The following CABP7 variants were observed in gnomAD, a reference collection of about 807,000 sequenced individuals.
The protein encoded by CABP7 is calcium binding protein 7, also known as calcium-binding protein 7.
Under a neutral mutation model 23.1 loss-of-function variants are expected in CABP7, and 13 were observed. The observed-to-expected ratio is 0.56, with a 90% CI of 0.37 to 0.90. The LOEUF is 0.90. Among genes scored for constraint, CABP7 ranks in the 40% least tolerant of loss-of-function variants. The probability of loss-of-function intolerance (pLI) is 0.01; values close to 1 mark genes in which losing one functional copy is unlikely to be tolerated. For missense variants in CABP7, 248 were observed against 295.6 expected (o/e 0.84, Z 1.18); for synonymous variants, 123 against 115.3 (o/e 1.07, Z -0.43).
Position 29,727,586 on chromosome 22 carries a change from G to T in CABP7, c.110-76G>T. 6.4e-7 allele frequency: 1 copy of T among 1,574,272 alleles called. No individual in the cohort carries two copies. The highest frequency in any genetic ancestry group is 8.7e-7 in the Non-Finnish European group (1 of 1,149,128). ...AAGGCCATGCTCAGGCTGCAGGGTCGGTGATCCTGGGGGTCTGGAAAGGGG... is the reference window on the plus strand; with the variant it reads ...AAGGCCATGCTCAGGCTGCAGGGTCTGTGATCCTGGGGGTCTGGAAAGGGG... On this transcript the variant is annotated intron_variant, in intron 1 of 4. Transcript: ENST00000216144. The surrounding 1 kb of genome is among the most constrained non-coding windows in gnomAD (Gnocchi z 4.2).
intron 1 of CABP7, among the ~76,000 whole-genome samples, chr22:29,725,179 C>T (rs1199702341): frequency 1.3e-5 from 2 of 152,088 alleles, no homozygotes; most frequent in Admixed American, 6.5e-5. Flanking sequence ...GCTTGAGGCC[C>T]CTCTTCCACG....
At chr22:29,728,093 TA>T (rs1468885386) in intron 2 of CABP7, among the ~76,000 whole-genome samples, 3 of 152,198 alleles carry the variant, frequency 2.0e-5, no homozygotes, top group African/African-American at 4.8e-5. Flanking sequence ...AAGGATGCAA[TA>T]AATACTCCAG....
rs769839029 is a variant in CABP7 at position 29,731,337 on chromosome 22, G to T, written c.*1768G>T. 4.3e-5 allele frequency: 66 copies of T among 1,541,824 alleles called. No homozygotes were observed. Among genetic ancestry groups the T allele is most frequent in the Non-Finnish European group, 5.7e-5 (66 of 1,153,740 alleles). On this transcript the variant is annotated 3_prime_UTR_variant, in exon 5 of 5. Coordinates refer to ENST00000216144, the MANE Select transcript of CABP7 (RefSeq NM_182527.3). Reference sequence around the variant, plus strand: ...GCCCACGGGGTACTGGAAGACAGTGGTTCTGATGGGTTCAGCCCTAGAGAG... The same window carrying T: ...GCCCACGGGGTACTGGAAGACAGTGTTTCTGATGGGTTCAGCCCTAGAGAG...
chr22:29,728,585 G>A (rs2067812478), intron 2 of CABP7, 45 bp from the exon 3 acceptor site: 1 of 1,281,452 alleles, frequency 7.8e-7, no homozygotes, highest in Non-Finnish European at 1.1e-6. Flanking sequence ...TGGGCTGCAG[G>A]CCTGGGCCCT....
chr22:29,728,592 C>T (rs2067812523), intron 2 of CABP7, 38 bp from the exon 3 acceptor site: 2 of 1,341,334 alleles, frequency 1.5e-6, no homozygotes, highest in Non-Finnish European at 2.1e-6. Context: ...CAGGCCTGGG[C>T]CCTACCCACT....
At position 29,721,169 on chromosome 22, in the gene CABP7, G is replaced by C. The variant is rs553879633; in HGVS notation, c.109+636G>C. 3.8e-3 allele frequency among the ~76,000 whole-genome samples: 578 copies of C among 152,242 alleles called. 6 individuals are homozygous for C. Among genetic ancestry groups the C allele is most frequent in the African/African-American group, 0.013 (548 of 41,568 alleles). The stretch of plus-strand genomic sequence containing the variant: ...AGTGGCCGGACTGGGCGGCTAAGTC[G>C]CGATAGCCAAGCCTGGAAGGGAAAG... On this transcript the variant is annotated intron_variant, in intron 1 of 4. Coordinates refer to ENST00000216144, the MANE Select transcript of CABP7 (RefSeq NM_182527.3).
intron 1 of CABP7, among the ~76,000 whole-genome samples, chr22:29,724,666 C>A (rs2067783129): frequency 6.6e-6 from 1 of 152,144 alleles, no homozygotes; most frequent in Admixed American, 6.5e-5. Flanking sequence ...CAGGCAAAGG[C>A]ACCAAGGTGA....
rs111597500 is a variant in CABP7, at chr22:29,727,209, T to TTC, written c.110-452_110-451insCT. 6.6e-6 allele frequency among the ~76,000 whole-genome samples: 1 copy of TTC among 150,408 alleles called. No individual in the cohort carries two copies. Among genetic ancestry groups the TTC allele is most frequent in the Non-Finnish European group, 1.5e-5 (1 of 67,632 alleles). On this transcript the variant is annotated intron_variant, in intron 1 of 4. Transcript: ENST00000216144. This position sits in a 1 kb window ranked among gnomAD's most constrained non-coding sequence, Gnocchi z 4.2. ...TGCCATTAGCAAGTGTTGGCCGGTG[T>TTC]TAAGGATCTAAGGATCCGAGCCTGG...
rs572401222 is a variant in CABP7 at position 29,727,412 on chromosome 22, G to A, written c.110-250G>A. ...CCAGGAGAGGCTGTGAGAGCCTGGC[G>A]CAATCAGATCCCAAGAGGTCACTGC... On this transcript the variant is annotated intron_variant, in intron 1 of 4. Coordinates refer to ENST00000216144, the MANE Select transcript of CABP7 (RefSeq NM_182527.3). The surrounding 1 kb of genome is among the most constrained non-coding windows in gnomAD (Gnocchi z 4.2). Among the ~76,000 whole-genome samples the A allele has an allele frequency of 2.0e-5, 3 of 152,218 alleles. No individual in the cohort carries two copies. Among genetic ancestry groups the A allele is most frequent in the South Asian group, 2.1e-4 (1 of 4,834 alleles).
In CABP7 at chr22:29,728,658, T is replaced by G; in HGVS notation, c.282T>G (p.Phe94Leu). The G allele has an allele frequency of 6.2e-7, 1 of 1,613,642 alleles. No homozygotes were observed. The highest frequency in any genetic ancestry group is 8.5e-7 in the Non-Finnish European group (1 of 1,179,826). The part of the protein sequence containing the change: ...DGDGQVDFEE[F>L]VTLLGPKLST... ...ATGGTCAAGTGGACTTTGAGGAGTT[T>G]GTGACCCTTCTGGGACCCAAACTCT... The change falls in exon 3 of 5, where the codon TTT (phenylalanine) becomes TTG (leucine). Residue 94 changes from phenylalanine (F) to leucine (L), a missense_variant. Transcript: ENST00000216144.
intron 1 of CABP7, among the ~76,000 whole-genome samples, chr22:29,723,873 G>A (rs2067778340): frequency 6.6e-6 from 1 of 152,238 alleles, no homozygotes; most frequent in African/African-American, 2.4e-5. Context: ...CTGCCTGATG[G>A]AGTGCGGATG....
At position 29,731,257 on chromosome 22, in the gene CABP7, A is replaced by AC. The variant is rs1331691544; in HGVS notation, c.*1694dup. ...CACTGGACTCTGGGCTGCAGAGGCC[A>AC]CCCCCCAGGTGGGGGTGCCCGCAGG... On this transcript the variant is annotated 3_prime_UTR_variant, in exon 5 of 5. Coordinates refer to ENST00000216144, the MANE Select transcript of CABP7 (RefSeq NM_182527.3). The AC allele has an allele frequency of 2.6e-6, 4 of 1,514,364 alleles. No homozygotes were observed. Among genetic ancestry groups the AC allele is most frequent in the Admixed American group, 2.8e-5 (1 of 36,286 alleles). The allele number at this position is 1,514,364 out of a possible 1,614,324, so 93.8% of individuals were successfully genotyped here. A position where few individuals can be genotyped will look rare whatever the true frequency, so the allele number is the denominator to read the frequency against.
At chr22:29,728,461 C>T (rs140095) in intron 2 of CABP7, among the ~76,000 whole-genome samples, 169 bp from the exon 3 acceptor site, 46,829 of 152,116 alleles carry the variant, frequency 0.31, 8,511 homozygotes, top group East Asian at 0.6. Flanking sequence ...CAGAGCCTGG[C>T]ACTTGGTAGA....
In CABP7 at chr22:29,727,644, A is replaced by G; in HGVS notation, c.110-18A>G. The stretch of plus-strand genomic sequence containing the variant: ...GGGGACCGGGGTGAAGTCCCAGCCT[A>G]CTCCATTCTCTCCTCAGAGATCCGA... On this transcript the variant is annotated intron_variant, in intron 1 of 4. Coordinates refer to ENST00000216144, the MANE Select transcript of CABP7 (RefSeq NM_182527.3). This position sits in a 1 kb window ranked among gnomAD's most constrained non-coding sequence, Gnocchi z 4.2. The G allele has an allele frequency of 6.2e-7, 1 of 1,613,090 alleles. No homozygotes were observed.
Sources: gnomAD v4.1 joint callset for allele counts (sites outside exome capture counted in the v4.1 genomes callset) on GRCh38, gnomAD v4.1.1 for gene constraint, Gnocchi (gnomAD v3.1) non-coding constraint, MANE v1.5 for transcripts, NCBI Gene and HGNC (gene_info 2026-07-23, HGNC 2026-07-21) for gene names.